The following NOX5 variants were observed in gnomAD, a reference collection of about 807,000 sequenced individuals.
NOX5 encodes the protein NADPH oxidase 5, also known as NADPH oxidase, EF-hand calcium binding domain 5.
A neutral mutation model predicts 85.7 loss-of-function variants in NOX5; 76 were observed. The observed-to-expected ratio is 0.89, with a 90% CI of 0.74 to 1.07. NOX5 has a LOEUF of 1.07. Among genes scored for constraint, NOX5 ranks in the 50% least tolerant of loss-of-function variants. The pLI is 0.00. For missense variants in NOX5, 973 were observed against 999.5 expected (o/e 0.97, Z 0.36); for synonymous variants, 405 against 401.4 (o/e 1.01, Z -0.11).
At chr15:69,036,014 A>G in intron 7 of NOX5, 78 bp downstream of exon 7, 1 of 1,574,614 alleles carries the variant, frequency 6.4e-7, no homozygotes, top group Non-Finnish European at 8.6e-7. Flanking sequence ...CCTCTGATTT[A>G]CTCCAGAGCC....
At chr15:69,050,888 C>T (rs923922596) in intron 14 of NOX5, among the ~76,000 whole-genome samples, 4 of 152,198 alleles carry the variant, frequency 2.6e-5, no homozygotes, top group African/African-American at 9.7e-5. Context: ...TACGGCAAAG[C>T]CTCTTCGCTT....
chr15:69,041,641 A>G (rs2050595573), intron 9 of NOX5, among the ~76,000 whole-genome samples: 1 of 152,218 alleles, frequency 6.6e-6, no homozygotes, highest in Admixed American at 6.5e-5. Flanking sequence ...CAGCTCATTA[A>G]TTCATGTATT....
At chr15:69,023,238 T>C in intron 1 of NOX5, 1 of 239,668 alleles carries the variant, frequency 4.2e-6, no homozygotes, top group South Asian at 5.0e-5. Flanking sequence ...TGTCAACTCC[T>C]CCTTCAACAG....
intron 1 of NOX5, 100 bp downstream of exon 1, chr15:69,014,885 G>C: frequency 2.2e-6 from 2 of 907,154 alleles, no homozygotes; most frequent in South Asian, 3.0e-5. Context: ...GTCTGCCTTG[G>C]GCAGAAATCA....
chr15:69,040,503 T>C (rs1167687891), intron 9 of NOX5, among the ~76,000 whole-genome samples: 1 of 152,234 alleles, frequency 6.6e-6, no homozygotes, highest in Non-Finnish European at 1.5e-5. Flanking sequence ...GCACACTTTT[T>C]CTTAGTGAAC....
intron 9 of NOX5, among the ~76,000 whole-genome samples, chr15:69,041,827 T>C (rs1368464976): frequency 3.9e-5 from 6 of 152,220 alleles, no homozygotes; most frequent in Non-Finnish European, 8.8e-5. Context: ...CAACACAAAT[T>C]CATAAACTTT....
At position 69,055,458 on chromosome 15, in the gene NOX5, G is replaced by A. The variant is rs749445476; in HGVS notation, c.2124G>A (p.Gly708=). 1 of 1,614,168 alleles carries A rather than the reference G, an allele frequency of 6.2e-7. No individual in the cohort carries two copies. The highest frequency in any genetic ancestry group is 2.2e-5 in the East Asian group (1 of 44,886). ...ANKEKKDSIT[G]LQTRTQPGRP... is the part of the protein sequence containing the mutation. ...AGGAGAAGAAAGACTCCATCACGGG[G>A]CTGCAGACGCGCACCCAGCCTGGGC... The change falls in exon 15 of 16, where the codon GGG becomes GGA. Residue 708 remains glycine (G), a synonymous_variant. Coordinates refer to ENST00000388866, the MANE Select transcript of NOX5 (RefSeq NM_024505.4).
chr15:69,019,280 A>G (rs2050269260), intron 1 of NOX5, among the ~76,000 whole-genome samples: 1 of 152,204 alleles, frequency 6.6e-6, no homozygotes, highest in African/African-American at 2.4e-5. Context: ...CCCACCTGCC[A>G]TGGAAGGGGG....
chr15:69,061,236 G>A lies in NOX5; in HGVS notation c.*4540G>A, dbSNP rs1042212610. On this transcript the variant is annotated 3_prime_UTR_variant, in exon 16 of 16. Coordinates refer to ENST00000388866, the MANE Select transcript of NOX5 (RefSeq NM_024505.4). ...GTGAAAGTATTTCGGGCCTAAGCCA[G>A]GGGACTGGCCCTCCCCGTCAGGGGT... The A allele has an allele frequency of 6.6e-6, 1 of 152,258 alleles. No individual in the cohort carries two copies. Among genetic ancestry groups the A allele is most frequent in the African/African-American group, 2.4e-5 (1 of 41,474 alleles). The allele number at this position is 152,258 out of a possible 1,614,324, so 9.4% of individuals were successfully genotyped here.
At chr15:69,049,931 G>A (rs1217296642) in intron 14 of NOX5, among the ~76,000 whole-genome samples, 1 of 152,140 alleles carries the variant, frequency 6.6e-6, no homozygotes, top group Non-Finnish European at 1.5e-5. Context: ...TCAAAATATG[G>A]AGCATTTCTT....
rs371622233 is a variant in NOX5 at position 69,061,771 on chromosome 15, C to T, written c.*5075C>T. The T allele has an allele frequency of 6.6e-6, 1 of 152,138 alleles. No homozygotes were observed. Among genetic ancestry groups the T allele is most frequent in the Non-Finnish European group, 1.5e-5 (1 of 68,038 alleles). 9.4% of individuals were successfully genotyped at this position (152,138 alleles called of 1,614,324 possible). A position where few individuals can be genotyped will look rare whatever the true frequency, so the allele number is the denominator to read the frequency against. ...AATACTACTCAGGGACAAATGGGCC[C>T]TCTTAAACTACCCTAGCTGTGTGAG... On this transcript the variant is annotated 3_prime_UTR_variant, in exon 16 of 16. Transcript: ENST00000388866.
Position 69,048,921 on chromosome 15 carries a change from G to A in NOX5, c.1900-38G>A, listed in dbSNP as rs768442002. The A allele has an allele frequency of 2.6e-6, 4 of 1,519,292 alleles. No homozygotes were observed. The African/African-American group carries it at 4.1e-5, about 16-fold the overall frequency. The allele number at this position is 1,519,292 out of a possible 1,614,324, so 94.1% of individuals were successfully genotyped here. A position where few individuals can be genotyped will look rare whatever the true frequency, so the allele number is the denominator to read the frequency against. Reference sequence around the variant, plus strand: ...AGATGTGAGCCTCCTGCAAATCAGGGAGACCCAGCCTCTGAGCTGAAGGGC... The same window carrying A: ...AGATGTGAGCCTCCTGCAAATCAGGAAGACCCAGCCTCTGAGCTGAAGGGC... On this transcript the variant is annotated intron_variant, in intron 13 of 15. Coordinates refer to ENST00000388866, the MANE Select transcript of NOX5 (RefSeq NM_024505.4).
At chr15:69,047,995 G>T in intron 13 of NOX5, 84 bp downstream of exon 13, 1 of 1,222,858 alleles carries the variant, frequency 8.2e-7, no homozygotes, top group Non-Finnish European at 1.2e-6. Context: ...CCTGTGCAAA[G>T]GTGGGAGCGG....
intron 10 of NOX5, 66 bp downstream of exon 10, chr15:69,042,871 T>C: frequency 6.6e-7 from 1 of 1,526,176 alleles, no homozygotes; most frequent in East Asian, 2.3e-5. Flanking sequence ...AGTTGCCTCC[T>C]TCTTCTCAGT....
chr15:69,021,376 TC>T (rs1481595172), intron 1 of NOX5, among the ~76,000 whole-genome samples: 64 of 149,268 alleles, frequency 4.3e-4, no homozygotes, highest in African/African-American at 1.5e-3. Context: ...TGAGACAGCA[TC>T]TGTGATCTCA....
intron 10 of NOX5, among the ~76,000 whole-genome samples, 199 bp from the exon 11 acceptor site, chr15:69,046,623 T>C (rs1037161224): frequency 3.3e-5 from 5 of 152,168 alleles, no homozygotes; most frequent in Non-Finnish European, 5.9e-5. Flanking sequence ...AAGACTGTTA[T>C]CCCTTCGCCA....
At chr15:69,017,541 C>T (rs978415356) in intron 1 of NOX5, among the ~76,000 whole-genome samples, 6 of 152,120 alleles carry the variant, frequency 3.9e-5, no homozygotes, top group African/African-American at 1.4e-4. Flanking sequence ...ACCCGGAAGC[C>T]CCTGCTTCCA....
chr15:69,017,212 C>T (rs557218817), intron 1 of NOX5, among the ~76,000 whole-genome samples: 5 of 152,074 alleles, frequency 3.3e-5, no homozygotes, highest in East Asian at 1.9e-4. Flanking sequence ...AGTGCAGTGG[C>T]GTGATCTTGG....
chr15:69,047,093 G>T, intron 11 of NOX5: 2 of 593,364 alleles, frequency 3.4e-6, no homozygotes, highest in Non-Finnish European at 6.0e-6. Flanking sequence ...CCAGGAGCAG[G>T]GATGGGTGTA....
Sources: allele counts gnomAD v4.1 joint callset (sites outside exome capture counted in the v4.1 genomes callset), GRCh38; gene constraint gnomAD v4.1.1; transcripts MANE v1.5; gene names NCBI Gene and HGNC (gene_info 2026-07-23, HGNC 2026-07-21).